The following LRP1B variants were observed in gnomAD, a reference collection of about 807,000 sequenced individuals.
LRP1B encodes the protein LDL receptor related protein 1B.
Under a neutral mutation model 556.6 loss-of-function variants are expected in LRP1B, and 217 were observed. The ratio of observed to expected loss-of-function variants is 0.39; its 90% CI spans 0.35 to 0.44. The LOEUF (loss-of-function observed/expected upper bound fraction) is 0.44. Ranked by LOEUF, LRP1B falls within the 20% of genes least tolerant of loss-of-function variation. The pLI, the probability that LRP1B is intolerant of heterozygous loss-of-function variation, is 1.00. For synonymous variants in LRP1B, 2,047 were observed against 1,865.8 expected, an observed-to-expected ratio of 1.10 and a Z score of -2.50; for missense variants, 5,053 against 5,620.8, an observed-to-expected ratio of 0.90 and a Z score of 3.23.
intron 2 of LRP1B, among the ~76,000 whole-genome samples, chr2:141,737,911 A>G (rs1412382146): frequency 1.3e-5 from 2 of 152,148 alleles, no homozygotes; most frequent in Non-Finnish European, 2.9e-5. Flanking sequence ...TTGAGTCATC[A>G]TGATAGAGTA....
chr2:140,640,556 C>A (rs1206516103), intron 41 of LRP1B, among the ~76,000 whole-genome samples: 1 of 149,686 alleles, frequency 6.7e-6, no homozygotes, highest in African/African-American at 2.5e-5. Flanking sequence ...CCACCATGCC[C>A]GGCTAATTTT....
chr2:140,565,807 C>G (rs1350911052), intron 43 of LRP1B, among the ~76,000 whole-genome samples: 1 of 152,154 alleles, frequency 6.6e-6, no homozygotes, highest in Non-Finnish European at 1.5e-5. Flanking sequence ...CACTTCATTC[C>G]TCTCCTGGGA....
chr2:140,661,517 A>C (rs1006085711), intron 41 of LRP1B, among the ~76,000 whole-genome samples: 13 of 151,770 alleles, frequency 8.6e-5, no homozygotes, highest in African/African-American at 2.4e-4. Flanking sequence ...AAAAAAAAAA[A>C]AAAACGCAGT....
At chr2:140,490,001 G>A (rs1466972612) in intron 57 of LRP1B, among the ~76,000 whole-genome samples, 2 of 152,014 alleles carry the variant, frequency 1.3e-5, no homozygotes, top group Non-Finnish European at 2.9e-5. Context: ...TAATCCCAGT[G>A]CAATGGTCTC....
intron 41 of LRP1B, among the ~76,000 whole-genome samples, chr2:140,687,344 AAAAAGTTAATAAGGTTTAGACAGCT>A: frequency 6.6e-6 from 1 of 152,284 alleles, no homozygotes; most frequent in Non-Finnish European, 1.5e-5. Flanking sequence ...TAAAAATCTT[AAAAAGTTAATAAGGTTTAGACAGCT>A]AAAAGTATTC....
chr2:141,261,751 C>T (rs1573725640), intron 3 of LRP1B, among the ~76,000 whole-genome samples: 1 of 152,128 alleles, frequency 6.6e-6, no homozygotes, highest in East Asian at 1.9e-4. Context: ...AGTAATAATC[C>T]ATGGTATAAA....
chr2:140,742,608 AT>A (rs928807065), intron 35 of LRP1B, among the ~76,000 whole-genome samples: 2 of 151,364 alleles, frequency 1.3e-5, no homozygotes, highest in Non-Finnish European at 3.0e-5. Context: ...TCTATTATAA[AT>A]TTTTTTTTAT....
chr2:141,986,569 CTT>C (rs1193115206), intron 1 of LRP1B, among the ~76,000 whole-genome samples: 2 of 151,848 alleles, frequency 1.3e-5, no homozygotes, highest in African/African-American at 4.8e-5. Flanking sequence ...TTGTGAATCT[CTT>C]GACTTCTAAC....
At position 140,580,644 on chromosome 2, in the gene LRP1B, C is replaced by T. The variant is rs185028930; in HGVS notation, c.7194+17987G>A. 8.5e-5 allele frequency among the ~76,000 whole-genome samples: 13 copies of T among 152,048 alleles called. No homozygotes were observed. The East Asian group carries it at 1.2e-3, about 14-fold the overall frequency. ...AGCTCAGAGAAAGAATGAGGAAATG[C>T]GGATGAAGTCTGTCATTATGTATTT... On this transcript the variant is annotated intron_variant, in intron 43 of 90. Coordinates refer to ENST00000389484, the MANE Select transcript of LRP1B (RefSeq NM_018557.3).
intron 57 of LRP1B, 112 bp downstream of exon 57, chr2:140,492,496 C>A: frequency 1.5e-6 from 1 of 675,882 alleles, no homozygotes; most frequent in African/African-American, 1.8e-5. Context: ...AATATTTCTC[C>A]TGACAACTAA....
At chr2:141,929,311 G>A in intron 1 of LRP1B, among the ~76,000 whole-genome samples, 1 of 151,976 alleles carries the variant, frequency 6.6e-6, no homozygotes, top group Non-Finnish European at 1.5e-5. Context: ...CATAATACAT[G>A]CACACAAAAT....
At chr2:140,451,878 A>G (rs1686901446) in intron 62 of LRP1B, among the ~76,000 whole-genome samples, 1 of 152,142 alleles carries the variant, frequency 6.6e-6, no homozygotes, top group Admixed American at 6.5e-5. Context: ...ATATTTATTA[A>G]TATGTTTTAT....
chr2:141,502,068 C>A (rs1463350177), intron 2 of LRP1B, among the ~76,000 whole-genome samples: 1 of 152,122 alleles, frequency 6.6e-6, no homozygotes. Flanking sequence ...AACACTCCCC[C>A]CAAACAAATA....
chr2:141,745,453 G>T (rs950559577), intron 2 of LRP1B, among the ~76,000 whole-genome samples: 1 of 151,860 alleles, frequency 6.6e-6, no homozygotes, highest in Non-Finnish European at 1.5e-5. Flanking sequence ...TCACCCTATG[G>T]CCACCACCAC....
chr2:141,907,671 T>C (rs1194714427), intron 1 of LRP1B, among the ~76,000 whole-genome samples: 2 of 151,998 alleles, frequency 1.3e-5, no homozygotes, highest in African/African-American at 4.8e-5. Context: ...AGACGTCTTA[T>C]CTAAGGAAAA....
chr2:140,377,689 G>A (rs1229092491), intron 68 of LRP1B, among the ~76,000 whole-genome samples: 1 of 152,080 alleles, frequency 6.6e-6, no homozygotes, highest in Non-Finnish European at 1.5e-5. Flanking sequence ...GTGTACATAG[G>A]CCTTATTATA....
chr2:141,193,571 C>T lies in LRP1B; in HGVS notation c.851-4988G>A, dbSNP rs113495517. On this transcript the variant is annotated intron_variant, in intron 6 of 90. Coordinates refer to ENST00000389484, the MANE Select transcript of LRP1B (RefSeq NM_018557.3). Reference sequence around the variant, plus strand: ...TGAACACAAAGAAGGGAACAATAGACACTGGAGTCTACTTGAGGGTGGAGG... The same window carrying T: ...TGAACACAAAGAAGGGAACAATAGATACTGGAGTCTACTTGAGGGTGGAGG... Among the ~76,000 whole-genome samples, 339 of 151,920 alleles carry T rather than the reference C, an allele frequency of 2.2e-3. 1 individual carries two copies. The highest frequency in any genetic ancestry group is 7.2e-3 in the African/African-American group (298 of 41,464).
At chr2:140,711,056 G>A (rs1687014540) in intron 37 of LRP1B, among the ~76,000 whole-genome samples, 1 of 152,020 alleles carries the variant, frequency 6.6e-6, no homozygotes, top group South Asian at 2.1e-4. Context: ...TGCATGAAAT[G>A]TCTGAGGAGA....
chr2:140,311,404 A>C (rs562024227), intron 83 of LRP1B, among the ~76,000 whole-genome samples: 1 of 152,004 alleles, frequency 6.6e-6, no homozygotes, highest in African/African-American at 2.4e-5. Flanking sequence ...ACTGAAGGCC[A>C]TTATCTTGAG....
Sources: allele counts gnomAD v4.1 joint callset (sites outside exome capture counted in the v4.1 genomes callset), GRCh38; gene constraint gnomAD v4.1.1; transcripts MANE v1.5; gene names NCBI Gene and HGNC (gene_info 2026-07-23, HGNC 2026-07-21).